The following MAML3 variants were observed in gnomAD, a reference collection of about 807,000 sequenced individuals.
MAML3 encodes the protein mastermind like transcriptional coactivator 3.
A neutral mutation model predicts 101.9 loss-of-function variants in MAML3; 27 were observed. The observed-to-expected ratio is 0.27, with a 90% CI of 0.20 to 0.37. MAML3 has a LOEUF of 0.37. MAML3 is among the 10% of genes least tolerant of loss of function. MAML3 has a pLI of 1.00. For synonymous variants in MAML3, 501 were observed against 555.9 expected, an observed-to-expected ratio of 0.90 and a Z score of 1.39; for missense variants, 1,316 against 1,444.9, an observed-to-expected ratio of 0.91 and a Z score of 1.45.
At chr4:139,780,701 G>A (rs1730185036) in intron 2 of MAML3, among the ~76,000 whole-genome samples, 1 of 150,850 alleles carries the variant, frequency 6.6e-6, no homozygotes, top group South Asian at 2.1e-4. Flanking sequence ...CACCATCTCG[G>A]CTCACTGCAA....
intron 1 of MAML3, among the ~76,000 whole-genome samples, chr4:140,140,864 G>T (rs9991306): frequency 0.48 from 72,146 of 151,864 alleles, 19,163 homozygotes; most frequent in Non-Finnish European, 0.61. Context: ...CCAGGGGTAT[G>T]TGAGGCCAGG....
intron 3 of MAML3, among the ~76,000 whole-genome samples, chr4:139,726,468 C>T (rs1180839154): frequency 6.6e-6 from 1 of 152,098 alleles, no homozygotes; most frequent in African/African-American, 2.4e-5. Flanking sequence ...ATGAGGAATG[C>T]GTGCTGAGGG....
chr4:139,856,200 A>G (rs1336302247), intron 2 of MAML3, among the ~76,000 whole-genome samples: 1 of 152,248 alleles, frequency 6.6e-6, no homozygotes, highest in African/African-American at 2.4e-5. Context: ...ATAAATGGAG[A>G]GAAAGGCCCA....
chr4:139,857,982 G>A (rs1348755186), intron 2 of MAML3, among the ~76,000 whole-genome samples: 1 of 152,094 alleles, frequency 6.6e-6, no homozygotes, highest in Non-Finnish European at 1.5e-5. Flanking sequence ...AGTCACAGTG[G>A]ACCACCCCAC....
chr4:139,912,701 G>A (rs1560833959), intron 1 of MAML3, among the ~76,000 whole-genome samples: 1 of 152,238 alleles, frequency 6.6e-6, no homozygotes, highest in Admixed American at 6.5e-5. Context: ...GTTTGACGGC[G>A]GAGGCAGAGA....
intron 1 of MAML3, chr4:140,133,235 T>C (rs1362239163): frequency 3.0e-6 from 1 of 338,254 alleles, no homozygotes; most frequent in African/African-American, 2.1e-5. Context: ...TGTAACTCTT[T>C]CCTGAACCTA....
intron 1 of MAML3, among the ~76,000 whole-genome samples, chr4:139,988,033 A>G (rs1348730304): frequency 7.4e-6 from 1 of 135,488 alleles, no homozygotes; most frequent in Non-Finnish European, 1.7e-5. Context: ...AAAAAAAAAA[A>G]AAAAAAAAAG....
At chr4:139,911,789 A>C (rs754605232) in intron 1 of MAML3, among the ~76,000 whole-genome samples, 8 of 152,224 alleles carry the variant, frequency 5.3e-5, no homozygotes, top group Non-Finnish European at 1.0e-4. Context: ...TGATCCAGGA[A>C]GCAGGCCCTC....
chr4:139,977,337 G>A (rs1734360941), intron 1 of MAML3, among the ~76,000 whole-genome samples: 1 of 152,144 alleles, frequency 6.6e-6, no homozygotes, highest in African/African-American at 2.4e-5. Context: ...AATTTAAAAT[G>A]CTGATAGTGC....
chr4:140,022,772 A>G (rs1726752673), intron 1 of MAML3, among the ~76,000 whole-genome samples: 1 of 152,156 alleles, frequency 6.6e-6, no homozygotes, highest in Non-Finnish European at 1.5e-5. Flanking sequence ...AGTTTAATCA[A>G]TTTTTACCTT....
intron 2 of MAML3, among the ~76,000 whole-genome samples, chr4:139,833,385 C>T (rs1731203567): frequency 6.6e-6 from 1 of 152,200 alleles, no homozygotes; most frequent in African/African-American, 2.4e-5. Context: ...TGGCTAATTA[C>T]ATCCTGGCCC....
At chr4:140,037,075 T>C (rs1726998018) in intron 1 of MAML3, among the ~76,000 whole-genome samples, 2 of 152,096 alleles carry the variant, frequency 1.3e-5, no homozygotes. Context: ...AAAGACTTTA[T>C]ATTAATTCAC....
intron 2 of MAML3, among the ~76,000 whole-genome samples, chr4:139,825,573 C>T (rs1395023188): frequency 2.6e-5 from 4 of 152,156 alleles, no homozygotes; most frequent in Non-Finnish European, 4.4e-5. Context: ...AGCCTACCCT[C>T]GGCCGCAGGC....
intron 2 of MAML3, among the ~76,000 whole-genome samples, chr4:139,803,169 T>C (rs1205569646): frequency 6.6e-6 from 1 of 152,092 alleles, no homozygotes; most frequent in African/African-American, 2.4e-5. Context: ...GGCGGGAGAA[T>C]TGCTTGAGCC....
intron 2 of MAML3, among the ~76,000 whole-genome samples, chr4:139,829,469 G>A (rs1384445245): frequency 6.6e-6 from 1 of 152,182 alleles, no homozygotes; most frequent in Non-Finnish European, 1.5e-5. Context: ...TTATGAGGAA[G>A]GGGAAGGAGA....
intron 1 of MAML3, among the ~76,000 whole-genome samples, chr4:140,075,373 T>A (rs1212255772): frequency 1.3e-5 from 2 of 152,168 alleles, no homozygotes; most frequent in Non-Finnish European, 2.9e-5. Flanking sequence ...AAAAACAAGT[T>A]AACAAAATGC....
At chr4:139,983,371 G>C (rs1734480957) in intron 1 of MAML3, among the ~76,000 whole-genome samples, 1 of 152,092 alleles carries the variant, frequency 6.6e-6, no homozygotes. Flanking sequence ...AGCCTTTTCA[G>C]ACCAGCTAGA....
At chr4:139,946,948 C>T (rs1733744032) in intron 1 of MAML3, among the ~76,000 whole-genome samples, 1 of 147,596 alleles carries the variant, frequency 6.8e-6, no homozygotes, top group Non-Finnish European at 1.5e-5. Flanking sequence ...CTCTCTCTCT[C>T]TCTCTTTAGA....
At chr4:139,979,420 C>G (rs927268183) in intron 1 of MAML3, among the ~76,000 whole-genome samples, 1 of 152,136 alleles carries the variant, frequency 6.6e-6, no homozygotes, top group East Asian at 1.9e-4. Flanking sequence ...TCCATTTGCC[C>G]CTGTCTGCTG....
Sources: allele counts gnomAD v4.1 joint callset (sites outside exome capture counted in the v4.1 genomes callset), GRCh38; gene constraint gnomAD v4.1.1; transcripts MANE v1.5; gene names NCBI Gene and HGNC (gene_info 2026-07-23, HGNC 2026-07-21).